The following SH2D2A variants were observed in gnomAD, a reference collection of about 807,000 sequenced individuals.
SH2D2A encodes SH2 domain-containing protein 2A.
In SH2D2A, 33 loss-of-function variants were observed where a neutral mutation model predicts 43.6. That is an observed-to-expected ratio of 0.76 (90% CI 0.57 to 1.01). The LOEUF (loss-of-function observed/expected upper bound fraction) is 1.01, where lower values mean the gene tolerates loss of function less well. SH2D2A is among the 50% of genes least tolerant of loss of function. SH2D2A has a pLI of 0.00. For missense variants in SH2D2A, 491 were observed against 503.1 expected, an observed-to-expected ratio of 0.98 and a Z score of 0.23; for synonymous variants, 212 against 206.1, an observed-to-expected ratio of 1.03 and a Z score of -0.25.
In SH2D2A at chr1:156,816,693, C is replaced by G. The variant is rs779185415; in HGVS notation, c.16G>C (p.Ala6Pro). 32 of 1,600,568 alleles carry G rather than the reference C, an allele frequency of 2.0e-5. No individual in the cohort carries two copies. Among genetic ancestry groups the G allele is most frequent in the Non-Finnish European group, 2.6e-5 (31 of 1,173,128 alleles). The part of the protein sequence containing the change: MEFPL[A>P]QICPQGSHEA... ...CACTTACCTTGGGGACATATCTGGG[C>G]CAGGGGGAACTCCATGAGGGCAGCC... The change falls in exon 1 of 9, where the codon GCC (alanine) becomes CCC (proline). Residue 6 changes from alanine (A) to proline (P), a missense_variant. Ala to Pro is a conservative substitution (Grantham distance 27). Coordinates refer to ENST00000368199, the MANE Select transcript of SH2D2A (RefSeq NM_003975.4).
At chr1:156,811,163 T>C (rs927527597) in intron 5 of SH2D2A, among the ~76,000 whole-genome samples, 2 of 152,186 alleles carry the variant, frequency 1.3e-5, no homozygotes, top group South Asian at 2.1e-4. Context: ...GAGTCATCCT[T>C]GATGCCTCCA....
intron 5 of SH2D2A, 33 bp downstream of exon 5, chr1:156,813,815 C>T (rs1653600277): frequency 4.3e-6 from 6 of 1,388,804 alleles, no homozygotes; most frequent in Non-Finnish European, 4.7e-6. Context: ...GCCCGAGACC[C>T]TGGGCTCTCT....
In SH2D2A at chr1:156,816,108, G is replaced by A. The variant is rs2102822991; in HGVS notation, c.35-14C>T. 6.2e-6 allele frequency: 10 copies of A among 1,607,562 alleles called. No individual in the cohort carries two copies. The highest frequency in any genetic ancestry group is 1.1e-5 in the South Asian group (1 of 89,804). ...CTTCGTGACTCCCTGTGAGCACAAA[G>A]AGGGCTGCCGGGGTTTCTCAGAGAG... is the stretch of plus-strand genomic sequence containing the variant. On this transcript the variant is annotated splice_polypyrimidine_tract_variant and intron_variant, in intron 1 of 8. Coordinates refer to ENST00000368199, the MANE Select transcript of SH2D2A (RefSeq NM_003975.4).
chr1:156,808,084 C>T (rs1210681297), intron 7 of SH2D2A, among the ~76,000 whole-genome samples: 14 of 152,120 alleles, frequency 9.2e-5, no homozygotes, highest in Non-Finnish European at 2.9e-5. Context: ...CCCAGGAGTT[C>T]AAGTTTGCAG....
intron 5 of SH2D2A, among the ~76,000 whole-genome samples, chr1:156,813,462 C>G (rs1481131472): frequency 6.6e-6 from 1 of 152,210 alleles, no homozygotes; most frequent in Non-Finnish European, 1.5e-5. Flanking sequence ...AGGAGAATCA[C>G]TTGAACCCGG....
intron 1 of SH2D2A, among the ~76,000 whole-genome samples, chr1:156,816,356 A>G (rs1451233887): frequency 6.6e-6 from 1 of 152,134 alleles, no homozygotes; most frequent in Non-Finnish European, 1.5e-5. Flanking sequence ...TGGCCTTCGG[A>G]TGGTCAGGGA....
chr1:156,814,113 G>A, intron 4 of SH2D2A, 92 bp downstream of exon 4: 1 of 1,545,488 alleles, frequency 6.5e-7, no homozygotes, highest in African/African-American at 1.4e-5. Flanking sequence ...CGGGGAATGA[G>A]CTAAGAGCCC....
At chr1:156,816,492 T>G (rs1653946987) in intron 1 of SH2D2A, among the ~76,000 whole-genome samples, 183 bp downstream of exon 1, 1 of 152,212 alleles carries the variant, frequency 6.6e-6, no homozygotes, top group Non-Finnish European at 1.5e-5. Context: ...ACCTTTATCC[T>G]CAGGGATGAG....
chr1:156,814,927 C>T (rs770673411), intron 3 of SH2D2A, 110 bp downstream of exon 3: 180 of 1,030,476 alleles, frequency 1.7e-4, no homozygotes, highest in Non-Finnish European at 2.2e-4. Flanking sequence ...CCTCCATCTA[C>T]TCCAGACTGG....
rs772372387 is a variant in SH2D2A at position 156,809,627 on chromosome 1, TC to T, written c.714+33del. 8.4e-5 allele frequency: 134 copies of T among 1,588,378 alleles called. No homozygotes were observed. The highest frequency in any genetic ancestry group is 1.1e-4 in the Non-Finnish European group (130 of 1,168,728). ...CTGCCTGCACCCCCTCGCAGGCCTGTCCTCCCACTCCCTCAGCCCCTGCAGC... is the reference window on the plus strand; with the variant it reads ...CTGCCTGCACCCCCTCGCAGGCCTGTCTCCCACTCCCTCAGCCCCTGCAGC... On this transcript the variant is annotated intron_variant, in intron 6 of 8. Coordinates refer to ENST00000368199, the MANE Select transcript of SH2D2A (RefSeq NM_003975.4). This position sits in a 1 kb window ranked among gnomAD's most constrained non-coding sequence, Gnocchi z 4.8.
chr1:156,807,325 C>G lies in SH2D2A; in HGVS notation c.1023G>C (p.Leu341=). 6.4e-7 allele frequency: 1 copy of G among 1,573,230 alleles called. No homozygotes were observed. Among genetic ancestry groups the G allele is most frequent in the Non-Finnish European group, 8.6e-7 (1 of 1,164,892 alleles). ...PGGQNTGGSQ[L]HSENSVIGQG... Reference sequence around the variant, plus strand: ...GCCCAATCACAGAGTTCTCAGAATGCAGCTGGGAGCCACCTGTATTCTGCA... The same window carrying G: ...GCCCAATCACAGAGTTCTCAGAATGGAGCTGGGAGCCACCTGTATTCTGCA... Residue 341 remains leucine (L), a synonymous_variant, in exon 8 of 9, where the codon CTG becomes CTC. Coordinates refer to ENST00000368199, the MANE Select transcript of SH2D2A (RefSeq NM_003975.4). The surrounding 1 kb of genome is among the most constrained non-coding windows in gnomAD (Gnocchi z 5.1).
At chr1:156,813,799 G>A (rs1653595407) in intron 5 of SH2D2A, 49 bp downstream of exon 5, 3 of 1,355,256 alleles carry the variant, frequency 2.2e-6, no homozygotes, top group African/African-American at 3.0e-5. Flanking sequence ...AGCGGGAGGG[G>A]CGCTGGCCCG....
At position 156,809,777 on chromosome 1, in the gene SH2D2A, T is replaced by C. The variant is rs1558062868; in HGVS notation, c.598A>G (p.Thr200Ala). 3.7e-6 allele frequency: 6 copies of C among 1,613,942 alleles called. No homozygotes were observed. Among genetic ancestry groups the C allele is most frequent in the Non-Finnish European group, 5.1e-6 (6 of 1,179,980 alleles). ...TTGCTTCCAAAGTTTGATTCTTCGGTCCTCAGGGAAAGTCCTGCAGGCTCA... is the reference window on the plus strand; with the variant it reads ...TTGCTTCCAAAGTTTGATTCTTCGGCCCTCAGGGAAAGTCCTGCAGGCTCA... ...TPEPAGLSLR[T>A]EESNFGSKSQ... The change falls in exon 6 of 9, where the codon ACC becomes GCC. Residue 200 changes from threonine to alanine, a missense_variant. Physicochemically the swap from Thr to Ala is moderately conservative, Grantham distance 58. Transcript: ENST00000368199. The surrounding 1 kb of genome is among the most constrained non-coding windows in gnomAD (Gnocchi z 4.8).
rs1800601 is a variant in SH2D2A, at chr1:156,815,825, G to A, written c.123+181C>T. ...CAGTAAGGGAGTGAGTGGGCAACTC[G>A]GCGCATGAAGGAGGTACTCCTCATT... is the stretch of plus-strand genomic sequence containing the variant. On this transcript the variant is annotated intron_variant, in intron 2 of 8. Coordinates refer to ENST00000368199, the MANE Select transcript of SH2D2A (RefSeq NM_003975.4). 1,089,140 of 1,613,396 alleles carry A rather than the reference G, an allele frequency of 0.68. 370,132 individuals are homozygous for A. Among genetic ancestry groups the A allele is most frequent in the East Asian group, 0.82 (36,634 of 44,844 alleles).
chr1:156,812,298 G>A (rs963102746), intron 5 of SH2D2A, among the ~76,000 whole-genome samples: 1 of 152,036 alleles, frequency 6.6e-6, no homozygotes, highest in South Asian at 2.1e-4. Flanking sequence ...GTGCCACCTC[G>A]TCTCGCTCAG....
At chr1:156,815,003 C>A (rs1302200632) in intron 3 of SH2D2A, 34 bp downstream of exon 3, 2 of 1,439,344 alleles carry the variant, frequency 1.4e-6, no homozygotes, top group Admixed American at 4.8e-5. Context: ...TTGCCCTGCC[C>A]CTGTCTGGGC....
chr1:156,815,842 C>G (rs2102821070), intron 2 of SH2D2A, 164 bp downstream of exon 2: 1 of 1,614,146 alleles, frequency 6.2e-7, no homozygotes, highest in Non-Finnish European at 8.5e-7. Flanking sequence ...GAAGGAGGTA[C>G]TCCTCATTTT....
At chr1:156,814,175 T>A in intron 4 of SH2D2A, 30 bp downstream of exon 4, 1 of 1,612,288 alleles carries the variant, frequency 6.2e-7, no homozygotes, top group Non-Finnish European at 8.5e-7. Context: ...CCCCGCCTTG[T>A]GTCGCCCGGC....
rs540215623 is a variant in SH2D2A at position 156,814,190 on chromosome 1, G to A, written c.398+15C>T. On this transcript the variant is annotated intron_variant, in intron 4 of 8. Coordinates refer to ENST00000368199, the MANE Select transcript of SH2D2A (RefSeq NM_003975.4). ...CCCCGCCTTGTGTCGCCCGGCGCGG[G>A]GCCTCGCCCCTCACCTGTAAGTCAG... 1.2e-6 allele frequency: 2 copies of A among 1,612,838 alleles called. No individual in the cohort carries two copies. Among genetic ancestry groups the A allele is most frequent in the Admixed American group, 3.3e-5 (2 of 59,972 alleles).
Sources: gnomAD v4.1 joint callset for allele counts (sites outside exome capture counted in the v4.1 genomes callset) on GRCh38, gnomAD v4.1.1 for gene constraint, Gnocchi (gnomAD v3.1) non-coding constraint, MANE v1.5 for transcripts, NCBI Gene and HGNC (gene_info 2026-07-23, HGNC 2026-07-21) for gene names.